The following PLXNA2 variants were observed in gnomAD, a reference collection of about 807,000 sequenced individuals.
PLXNA2 encodes plexin A2.
Under a neutral mutation model 193.5 loss-of-function variants are expected in PLXNA2, and 91 were observed. That is an observed-to-expected ratio of 0.47 (90% CI 0.40 to 0.56). PLXNA2 has a LOEUF of 0.56. Ranked by LOEUF, PLXNA2 falls within the 20% of genes least tolerant of loss-of-function variation. The probability of loss-of-function intolerance (pLI) is 0.00; values close to 1 mark genes in which losing one functional copy is unlikely to be tolerated. For synonymous variants in PLXNA2, 997 were observed against 1,027.3 expected, an observed-to-expected ratio of 0.97 and a Z score of 0.56; for missense variants, 1,995 against 2,503.2, an observed-to-expected ratio of 0.80 and a Z score of 4.33.
At chr1:208,220,818 T>C (rs1671305747) in intron 1 of PLXNA2, among the ~76,000 whole-genome samples, 1 of 152,112 alleles carries the variant, frequency 6.6e-6, no homozygotes, top group African/African-American at 2.4e-5. Context: ...TCTTTTTGCT[T>C]ATATTCTTCC....
chr1:208,132,445 A>G (rs1323828161), intron 4 of PLXNA2, among the ~76,000 whole-genome samples: 1 of 152,176 alleles, frequency 6.6e-6, no homozygotes, highest in African/African-American at 2.4e-5. Context: ...CTGCTGTTGG[A>G]CAGCTTGGTG....
intron 3 of PLXNA2, among the ~76,000 whole-genome samples, chr1:208,197,972 G>A (rs749599700): frequency 3.9e-5 from 6 of 152,138 alleles, no homozygotes; most frequent in Non-Finnish European, 7.3e-5. Flanking sequence ...AATCCCAGGT[G>A]CGCCCCATTA....
In PLXNA2 at chr1:208,044,589, G is replaced by C. The variant is rs1262882530; in HGVS notation, c.3793C>G (p.Arg1265Gly). ...CGCTTGAGAGTGAGGTCATTTTCTC[G>C]AGACTTGCGCTTGTAGGCAATGAGG... Reference protein sequence around the residue: ...IVLIAYKRKSRENDLTLKRLQ... With the variant: ...IVLIAYKRKSGENDLTLKRLQ... Residue 1265 changes from arginine (R) to glycine (G), a missense_variant, in exon 20 of 32, where the codon CGA becomes GGA. Physicochemically the swap from Arg to Gly is moderately radical, Grantham distance 125 (BLOSUM62 -2). Around this residue, in one of 3 missense-constraint regions of PLXNA2, gnomAD observed 1,291 missense variants for 1,673.6 expected, o/e 0.77. Transcript: ENST00000367033. The surrounding 1 kb of genome is among the most constrained non-coding windows in gnomAD (Gnocchi z 4.9). The C allele has an allele frequency of 7.4e-6, 12 of 1,614,154 alleles. No individual in the cohort carries two copies. The highest frequency in any genetic ancestry group is 8.5e-6 in the Non-Finnish European group (10 of 1,180,024).
At chr1:208,143,644 G>C (rs749777682) in intron 3 of PLXNA2, among the ~76,000 whole-genome samples, 1 of 151,814 alleles carries the variant, frequency 6.6e-6, no homozygotes, top group African/African-American at 2.4e-5. Flanking sequence ...ACTGTCCTCT[G>C]CCCATCTCTA....
chr1:208,119,599 C>T (rs1667743339), intron 4 of PLXNA2, among the ~76,000 whole-genome samples: 1 of 152,130 alleles, frequency 6.6e-6, no homozygotes, highest in Admixed American at 6.5e-5. Flanking sequence ...TCTGGAACTT[C>T]CTTTTTTTCT....
In PLXNA2 at chr1:208,038,534, T is replaced by A. The variant is rs1226119475; in HGVS notation, c.4661-60A>T. 7.4e-7 allele frequency: 1 copy of A among 1,343,130 alleles called. No homozygotes were observed. Among genetic ancestry groups the A allele is most frequent in the Non-Finnish European group, 1.1e-6 (1 of 933,710 alleles). The allele number at this position is 1,343,130 out of a possible 1,614,324, so 83.2% of individuals were successfully genotyped here. ...GAGGGATGAGGGCTGTGAGCCAGTG[T>A]CTCCCGATTGCACCTTCTCTAGGGA... On this transcript the variant is annotated intron_variant, in intron 25 of 31. Coordinates refer to ENST00000367033, the MANE Select transcript of PLXNA2 (RefSeq NM_025179.4). This position sits in a 1 kb window ranked among gnomAD's most constrained non-coding sequence, Gnocchi z 4.1.
intron 3 of PLXNA2, among the ~76,000 whole-genome samples, chr1:208,200,582 T>C (rs1336877534): frequency 3.5e-5 from 5 of 142,334 alleles, no homozygotes; most frequent in African/African-American, 1.3e-4. Context: ...TCCTTCTTTT[T>C]TTTTTTTTTT....
chr1:208,110,559 C>A (rs1237202409), intron 4 of PLXNA2, among the ~76,000 whole-genome samples: 3 of 152,202 alleles, frequency 2.0e-5, no homozygotes, highest in Admixed American at 1.3e-4. Context: ...CAGTATTTAC[C>A]GCATGCCAGG....
rs988855659 is a variant in PLXNA2 at position 208,044,531 on chromosome 1, C to T, written c.3851G>A (p.Arg1284His). Residue 1284 changes from arginine to histidine, a missense_variant, in exon 20 of 32, where the codon CGT (arginine) becomes CAT (histidine). Transcript: ENST00000367033. The surrounding 1 kb of genome is among the most constrained non-coding windows in gnomAD (Gnocchi z 4.9). ...LQMQMDNLES[R>H]VALECKEAFA... ...ACCTTCCTTGCACTCCAAGGCCACACGGGACTCCAGATTGTCCATCTGCAT... is the reference window on the plus strand; with the variant it reads ...ACCTTCCTTGCACTCCAAGGCCACATGGGACTCCAGATTGTCCATCTGCAT... The T allele has an allele frequency of 7.4e-6, 12 of 1,613,784 alleles. No homozygotes were observed. Among genetic ancestry groups the T allele is most frequent in the Admixed American group, 1.7e-5 (1 of 60,002 alleles).
chr1:208,140,586 C>G (rs754618668), intron 4 of PLXNA2, among the ~76,000 whole-genome samples: 2 of 152,132 alleles, frequency 1.3e-5, no homozygotes, highest in African/African-American at 2.4e-5. Context: ...TCTACCTGTC[C>G]TTTTTTCTGT....
chr1:208,063,219 A>G (rs1002599462), intron 12 of PLXNA2, among the ~76,000 whole-genome samples: 2 of 152,214 alleles, frequency 1.3e-5, no homozygotes, highest in Non-Finnish European at 2.9e-5. Context: ...GAAAGCCTAA[A>G]AATATTTCTG....
At position 208,096,870 on chromosome 1, in the gene PLXNA2, A is replaced by G; in HGVS notation, c.1745T>C (p.Val582Ala). The G allele has an allele frequency of 6.2e-7, 1 of 1,613,712 alleles. No individual in the cohort carries two copies. The highest frequency in any genetic ancestry group is 8.5e-7 in the Non-Finnish European group (1 of 1,179,954). Residue 582 changes from valine (V) to alanine (A), a missense_variant, in exon 7 of 32, where the codon GTG becomes GCG. Val to Ala is a moderately conservative substitution (Grantham distance 64). This residue lies in a region of PLXNA2 where 702 missense variants were observed against 812.9 expected (regional missense o/e 0.86). Coordinates refer to ENST00000367033, the MANE Select transcript of PLXNA2 (RefSeq NM_025179.4). Reference protein sequence around the residue: ...SEHSRLLSLVVSDAPDLSAGI... With the variant: ...SEHSRLLSLVASDAPDLSAGI... ...CGCAGATAGATCAGGAGCATCACTCACTACCAGGCTAAGCTGTGGGAGGAG... is the reference window on the plus strand; with the variant it reads ...CGCAGATAGATCAGGAGCATCACTCGCTACCAGGCTAAGCTGTGGGAGGAG...
intron 9 of PLXNA2, among the ~76,000 whole-genome samples, chr1:208,085,311 C>T (rs183577376): frequency 6.6e-6 from 1 of 152,322 alleles, no homozygotes; most frequent in East Asian, 1.9e-4. Flanking sequence ...CCTCTTTCTC[C>T]TTCTCTCCTC....
intron 3 of PLXNA2, among the ~76,000 whole-genome samples, chr1:208,172,322 G>C (rs1458895157): frequency 6.6e-6 from 1 of 152,030 alleles, no homozygotes; most frequent in Non-Finnish European, 1.5e-5. Context: ...TGAAAGACCA[G>C]GGATCCCTGG....
At chr1:208,198,711 G>A (rs1156501387) in intron 3 of PLXNA2, among the ~76,000 whole-genome samples, 2 of 152,142 alleles carry the variant, frequency 1.3e-5, no homozygotes, top group Non-Finnish European at 2.9e-5. Flanking sequence ...CTCTTCTCTC[G>A]TGCATCTTCT....
chr1:208,055,994 G>A (rs1383119450), intron 13 of PLXNA2, among the ~76,000 whole-genome samples: 1 of 152,166 alleles, frequency 6.6e-6, no homozygotes, highest in Non-Finnish European at 1.5e-5. Flanking sequence ...ATAAACCCAA[G>A]GAAACATGAT....
At chr1:208,076,193 G>C in intron 12 of PLXNA2, among the ~76,000 whole-genome samples, 1 of 151,744 alleles carries the variant, frequency 6.6e-6, no homozygotes, top group East Asian at 1.9e-4. Context: ...CCAGTCTCCC[G>C]AGTAGCTAGC....
intron 3 of PLXNA2, among the ~76,000 whole-genome samples, chr1:208,156,301 T>G (rs1214951231): frequency 6.6e-6 from 1 of 152,154 alleles, no homozygotes; most frequent in Non-Finnish European, 1.5e-5. Context: ...CTGGAGTGGA[T>G]CGGAAGACTC....
intron 3 of PLXNA2, among the ~76,000 whole-genome samples, chr1:208,161,296 TC>T (rs1669098218): frequency 6.6e-6 from 1 of 152,144 alleles, no homozygotes; most frequent in Non-Finnish European, 1.5e-5. Context: ...CCTTCCTCAA[TC>T]CCCTTCTCAC....
Sources: gnomAD v4.1 joint callset for allele counts (sites outside exome capture counted in the v4.1 genomes callset) on GRCh38, gnomAD v4.1.1 for gene constraint, gnomAD v4.1.1 regional missense constraint, Gnocchi (gnomAD v3.1) non-coding constraint, MANE v1.5 for transcripts, NCBI Gene and HGNC (gene_info 2026-07-23, HGNC 2026-07-21) for gene names.